DNAH6: variants seen among roughly 807,000 people sequenced by gnomAD.
DNAH6 encodes dynein axonemal heavy chain 6.
A neutral mutation model predicts 491.4 loss-of-function variants in DNAH6; 340 were observed. The ratio of observed to expected loss-of-function variants is 0.69; its 90% CI spans 0.63 to 0.76. DNAH6 has a LOEUF of 0.76. DNAH6 is among the 30% of genes least tolerant of loss of function. The pLI is 0.00. For missense variants in DNAH6, 4,443 were observed against 4,972.2 expected (o/e 0.89, Z 3.20); for synonymous variants, 1,603 against 1,686.1 (o/e 0.95, Z 1.21).
chr2:84,615,728 T>C (rs1429508796), intron 22 of DNAH6, among the ~76,000 whole-genome samples: 3 of 152,122 alleles, frequency 2.0e-5, no homozygotes, highest in Admixed American at 2.0e-4. Flanking sequence ...GTTTTGTAGT[T>C]TTCTTTGTAG....
intron 31 of DNAH6, among the ~76,000 whole-genome samples, chr2:84,638,320 C>T (rs1689061614): frequency 6.6e-6 from 1 of 151,996 alleles, no homozygotes; most frequent in Non-Finnish European, 1.5e-5. Context: ...AAATTTTATA[C>T]GTATTTTTCA....
chr2:84,699,518 A>G (rs1182044896), intron 47 of DNAH6, 76 bp from the exon 48 acceptor site: 9 of 1,288,114 alleles, frequency 7.0e-6, no homozygotes, highest in South Asian at 1.5e-5. Context: ...GGAGCCTCAG[A>G]TGCATTAGCC....
intron 33 of DNAH6, among the ~76,000 whole-genome samples, chr2:84,650,170 C>G (rs1690304302): frequency 1.3e-5 from 2 of 152,064 alleles, no homozygotes; most frequent in Admixed American, 1.3e-4. Flanking sequence ...CTTCTTAAAT[C>G]TGTAGGTTCA....
chr2:84,633,278 C>A (rs909984800), intron 29 of DNAH6, among the ~76,000 whole-genome samples: 10 of 152,156 alleles, frequency 6.6e-5, no homozygotes, highest in African/African-American at 2.4e-4. Flanking sequence ...TCTCCCAAGC[C>A]TAATATCGTC....
intron 57 of DNAH6, among the ~76,000 whole-genome samples, chr2:84,714,385 T>C (rs543962152): frequency 6.6e-6 from 1 of 152,172 alleles, no homozygotes; most frequent in Non-Finnish European, 1.5e-5. Flanking sequence ...ACACAGCCAC[T>C]GCCAGGGCTC....
chr2:84,554,865 T>A (rs1341857446), intron 10 of DNAH6, among the ~76,000 whole-genome samples: 1 of 152,220 alleles, frequency 6.6e-6, no homozygotes, highest in Non-Finnish European at 1.5e-5. Flanking sequence ...ACAAGCAGCT[T>A]GCTGTCCTTT....
chr2:84,654,826 C>G, intron 35 of DNAH6, 44 bp downstream of exon 35: 1 of 1,544,126 alleles, frequency 6.5e-7, no homozygotes, highest in Non-Finnish European at 8.8e-7. Flanking sequence ...TCTGTCAGGA[C>G]TCATGTTGCC....
chr2:84,504,392 T>C, the DNAH6 span, among the ~76,000 whole-genome samples: 6 of 152,212 alleles, frequency 3.9e-5, no homozygotes, highest in African/African-American at 1.4e-4. Context: ...TCTTTGTTTC[T>C]CAAGGATTGG....
chr2:84,718,603 A>G (rs1430260887), intron 59 of DNAH6, among the ~76,000 whole-genome samples: 3 of 152,210 alleles, frequency 2.0e-5, no homozygotes, highest in African/African-American at 4.8e-5. Flanking sequence ...TGCATTTCTT[A>G]AATAAAACAC....
At chr2:84,488,909 G>A in the DNAH6 span, among the ~76,000 whole-genome samples, 1 of 151,562 alleles carries the variant, frequency 6.6e-6, no homozygotes, top group Non-Finnish European at 1.5e-5. Flanking sequence ...GGTATAGATT[G>A]GAGGTGGGAA....
intron 64 of DNAH6, among the ~76,000 whole-genome samples, chr2:84,769,625 G>C (rs1470958026): frequency 6.6e-6 from 1 of 152,094 alleles, no homozygotes; most frequent in African/African-American, 2.4e-5. Flanking sequence ...TGGCCTGTCT[G>C]GTGGCTCTTT....
the DNAH6 span, among the ~76,000 whole-genome samples, chr2:84,468,152 C>T: frequency 3.3e-4 from 50 of 152,130 alleles, no homozygotes; most frequent in African/African-American, 9.4e-4. Context: ...AAGTAAAAAG[C>T]GTTAGTTTTT....
In DNAH6 at chr2:84,688,463, A is replaced by G; in HGVS notation, c.7162A>G (p.Ile2388Val). Residue 2388 changes from isoleucine (I) to valine (V), a missense_variant, in exon 45 of 77, where the codon ATT (isoleucine) becomes GTT (valine). Ile to Val is a conservative substitution (Grantham distance 29, BLOSUM62 3). Around this residue, in one of 3 missense-constraint regions of DNAH6, gnomAD observed 2,977 missense variants for 3,296.6 expected, o/e 0.90. Transcript: ENST00000389394. ...IKFGADKADR[I>V]YDDMPDIEKT... ...GTTTGGAGCAGATAAAGCTGATCGG[A>G]TTTATGATGACATGCCTGATATAGA... is the stretch of plus-strand genomic sequence containing the variant. 1 of 1,533,496 alleles carries G rather than the reference A, an allele frequency of 6.5e-7. No homozygotes were observed. Among genetic ancestry groups the G allele is most frequent in the African/African-American group, 1.4e-5 (1 of 71,816 alleles). The allele number at this position is 1,533,496 out of a possible 1,614,324, so 95.0% of individuals were successfully genotyped here. A position where few individuals can be genotyped will look rare whatever the true frequency, so the allele number is the denominator to read the frequency against.
intron 67 of DNAH6, 114 bp downstream of exon 67, chr2:84,785,870 T>C: frequency 8.9e-7 from 1 of 1,127,520 alleles, no homozygotes; most frequent in Non-Finnish European, 1.2e-6. Flanking sequence ...AAGGCCCCAT[T>C]CTGTGTCTGA....
the DNAH6 span, among the ~76,000 whole-genome samples, chr2:84,474,288 T>C: frequency 1.3e-5 from 2 of 152,204 alleles, no homozygotes; most frequent in Admixed American, 6.5e-5. Context: ...GGGGAGCAAG[T>C]AGGCTCTATA....
intron 68 of DNAH6, among the ~76,000 whole-genome samples, chr2:84,794,069 A>G (rs1678059962): frequency 6.6e-6 from 1 of 152,204 alleles, no homozygotes; most frequent in Non-Finnish European, 1.5e-5. Context: ...AAAAACAAGC[A>G]ATGGGGAAAG....
intron 4 of DNAH6, among the ~76,000 whole-genome samples, chr2:84,533,568 T>C (rs1329668402): frequency 6.6e-6 from 1 of 152,158 alleles, no homozygotes; most frequent in Non-Finnish European, 1.5e-5. Context: ...GATTTGGCTC[T>C]TTCCAGCATC....
chr2:84,742,283 T>A (rs1573667502), intron 62 of DNAH6, among the ~76,000 whole-genome samples: 1 of 152,230 alleles, frequency 6.6e-6, no homozygotes, highest in South Asian at 2.1e-4. Context: ...GTCATCATTA[T>A]GTTTTTGGTG....
chr2:84,690,185 A>G (rs1694706610), intron 45 of DNAH6, among the ~76,000 whole-genome samples: 1 of 152,174 alleles, frequency 6.6e-6, no homozygotes, highest in Non-Finnish European at 1.5e-5. Flanking sequence ...TGTCAACTAC[A>G]TTTTAGCGTT....
Sources: gnomAD v4.1 joint callset for allele counts (sites outside exome capture counted in the v4.1 genomes callset) on GRCh38, gnomAD v4.1.1 for gene constraint, gnomAD v4.1.1 regional missense constraint, MANE v1.5 for transcripts, NCBI Gene and HGNC (gene_info 2026-07-23, HGNC 2026-07-21) for gene names.